USP8: variants seen among roughly 807,000 people sequenced by gnomAD.
USP8 encodes ubiquitin carboxyl-terminal hydrolase 8.
In USP8, 27 loss-of-function variants were observed where a neutral mutation model predicts 130.0. The observed-to-expected ratio is 0.21, with a 90% CI of 0.15 to 0.29. The LOEUF (loss-of-function observed/expected upper bound fraction) is 0.29. Among genes scored for constraint, USP8 ranks in the 10% least tolerant of loss-of-function variants. The pLI is 1.00. For missense variants in USP8, 1,029 were observed against 1,312.2 expected (o/e 0.78, Z 3.33); for synonymous variants, 392 against 444.1 (o/e 0.88, Z 1.48).
intron 1 of USP8, among the ~76,000 whole-genome samples, chr15:50,427,558 A>ATTTTTTTTTTTTTT (rs59709410): frequency 9.4e-6 from 1 of 106,538 alleles, no homozygotes. Context: ...AGCCGTACTA[A>ATTTTTTTTTTTTTT]TTTTTTTTTT....
intron 10 of USP8, among the ~76,000 whole-genome samples, chr15:50,478,157 T>A (rs550019532): frequency 9.2e-5 from 14 of 152,212 alleles, no homozygotes; most frequent in Non-Finnish European, 1.9e-4. Flanking sequence ...ATAGCTTGGC[T>A]TACATATGAT....
rs551087656 is a variant in USP8 at position 50,477,608 on chromosome 15, GA to G, written c.1218+110del. On this transcript the variant is annotated intron_variant, in intron 10 of 19. Coordinates refer to ENST00000307179, the MANE Select transcript of USP8 (RefSeq NM_005154.5). ...TAATCCCAGCACTTTGGGAGGCTGA[GA>G]GGGGCAGATCACCTGAGGTCAGGAG... 2.0e-4 allele frequency: 203 copies of G among 1,022,146 alleles called. No homozygotes were observed. The African/African-American group carries it at 2.9e-3, about 15-fold the overall frequency. 63.3% of individuals were successfully genotyped at this position (1,022,146 alleles called of 1,614,324 possible). A position where few individuals can be genotyped will look rare whatever the true frequency, so the allele number is the denominator to read the frequency against.
In USP8 at chr15:50,437,912, C is replaced by A. The variant is rs377486464; in HGVS notation, c.-65-1097C>A. On this transcript the variant is annotated intron_variant, in intron 1 of 19. Coordinates refer to ENST00000307179, the MANE Select transcript of USP8 (RefSeq NM_005154.5). ...TATATTAGATCGTTGTTTCTAAATG[C>A]ATAGATCTGAAAGTACAAATTAAAG... 2.0e-5 allele frequency among the ~76,000 whole-genome samples: 3 copies of A among 152,108 alleles called. No individual in the cohort carries two copies. The East Asian group carries it at 5.8e-4, about 29-fold the overall frequency.
intron 12 of USP8, among the ~76,000 whole-genome samples, chr15:50,488,739 ATTT>A (rs879657589): frequency 7.1e-6 from 1 of 140,466 alleles, no homozygotes; most frequent in Admixed American, 7.1e-5. Flanking sequence ...TAATTTTTGG[ATTT>A]TTTTTTTTTT....
intron 1 of USP8, among the ~76,000 whole-genome samples, chr15:50,425,061 A>T (rs1331265675): frequency 6.6e-6 from 1 of 151,134 alleles, no homozygotes; most frequent in African/African-American, 2.4e-5. Flanking sequence ...TTTCACCGCC[A>T]CTCCACCTTG....
Position 50,496,097 on chromosome 15 carries a change from A to G in USP8, c.2895+13A>G, listed in dbSNP as rs759233141. The G allele has an allele frequency of 3.5e-5, 55 of 1,566,708 alleles. No homozygotes were observed. In the Middle Eastern group the frequency reaches 1.0e-3, roughly 30 times the overall value. ...ATGTACATTACAGGTAAGTTTAAGA[A>G]GTAGAGAGAAAATGATTTATTGGAT... On this transcript the variant is annotated intron_variant, in intron 17 of 19. Coordinates refer to ENST00000307179, the MANE Select transcript of USP8 (RefSeq NM_005154.5).
At chr15:50,442,640 G>A (rs1157959389) in intron 3 of USP8, among the ~76,000 whole-genome samples, 1 of 152,122 alleles carries the variant, frequency 6.6e-6, no homozygotes, top group Non-Finnish European at 1.5e-5. Context: ...AGCTGCTTGG[G>A]AGGCTGAGAC....
rs537274063 is a variant in USP8 at position 50,492,010 on chromosome 15, C to T, written c.2235-691C>T. Among the ~76,000 whole-genome samples the T allele has an allele frequency of 2.0e-5, 3 of 152,208 alleles. No individual in the cohort carries two copies. The South Asian group carries it at 6.2e-4, about 32-fold the overall frequency. On this transcript the variant is annotated intron_variant, in intron 14 of 19. Coordinates refer to ENST00000307179, the MANE Select transcript of USP8 (RefSeq NM_005154.5). ...CTGAGTAGCTGGGACTATAGACGTC[C>T]ACTATCATGCCCAGCTACTTTTTGT...
chr15:50,433,994 G>A (rs2050016281), intron 1 of USP8, among the ~76,000 whole-genome samples: 1 of 151,698 alleles, frequency 6.6e-6, no homozygotes, highest in Admixed American at 6.6e-5. Context: ...TCTTTGTCAG[G>A]TTTACACATC....
chr15:50,453,486 G>T (rs1195600556), intron 4 of USP8, among the ~76,000 whole-genome samples: 1 of 152,094 alleles, frequency 6.6e-6, no homozygotes, highest in Non-Finnish European at 1.5e-5. Context: ...TAATTTCATT[G>T]TGGCTAAAGA....
chr15:50,496,234 C>T, intron 17 of USP8, 150 bp downstream of exon 17: 1 of 621,248 alleles, frequency 1.6e-6, no homozygotes, highest in Non-Finnish European at 2.7e-6. Flanking sequence ...GTACTCCCAG[C>T]ACTTTGGGAG....
intron 19 of USP8, 34 bp from the exon 20 acceptor site, chr15:50,498,869 G>A: frequency 1.9e-6 from 3 of 1,565,988 alleles, no homozygotes; most frequent in Non-Finnish European, 2.6e-6. Context: ...AATTTTAACT[G>A]AATTGATTTT....
At chr15:50,471,867 G>T (rs1173715116) in intron 8 of USP8, 72 bp downstream of exon 8, 14 of 1,362,698 alleles carry the variant, frequency 1.0e-5, no homozygotes, top group African/African-American at 3.0e-5. Context: ...ATGTTAACTA[G>T]TTGTTTATCT....
intron 15 of USP8, chr15:50,493,653 G>A: frequency 2.7e-6 from 1 of 376,288 alleles, no homozygotes; most frequent in Non-Finnish European, 5.2e-6. Context: ...GCTAAGGTGG[G>A]AGGATCACCT....
At chr15:50,430,578 TA>T in intron 1 of USP8, among the ~76,000 whole-genome samples, 1 of 152,066 alleles carries the variant, frequency 6.6e-6, no homozygotes, top group African/African-American at 2.4e-5. Flanking sequence ...TTTATTTTTT[TA>T]TTTTTTTTTT....
At chr15:50,445,642 G>A (rs900569050) in intron 3 of USP8, among the ~76,000 whole-genome samples, 2 of 148,220 alleles carry the variant, frequency 1.3e-5, no homozygotes, top group African/African-American at 5.0e-5. Context: ...ACAAGGTCAG[G>A]AGTTCAAGAC....
At chr15:50,468,411 T>A (rs1018130515) in intron 7 of USP8, among the ~76,000 whole-genome samples, 1 of 150,422 alleles carries the variant, frequency 6.6e-6, no homozygotes, top group African/African-American at 2.5e-5. Flanking sequence ...CCCGGCTAAT[T>A]TTTGTATTTT....
At position 50,480,955 on chromosome 15, in the gene USP8, G is replaced by C. The variant is rs573000375; in HGVS notation, c.1219-526G>C. Among the ~76,000 whole-genome samples the C allele has an allele frequency of 3.3e-5, 5 of 152,132 alleles. No individual in the cohort carries two copies. The South Asian group carries it at 1.0e-3, about 32-fold the overall frequency. On this transcript the variant is annotated intron_variant, in intron 10 of 19. Coordinates refer to ENST00000307179, the MANE Select transcript of USP8 (RefSeq NM_005154.5). ...GATATAGGAGGAAAATTAACAGCGT[G>C]CAGAAGGATATGGGAAGAACATATC...
In USP8 at chr15:50,492,685, C is replaced by A; in HGVS notation, c.2235-16C>A. On this transcript the variant is annotated splice_polypyrimidine_tract_variant and intron_variant, in intron 14 of 19. Coordinates refer to ENST00000307179, the MANE Select transcript of USP8 (RefSeq NM_005154.5). ...CTCAGCATTTTAAGACATCTTGTAT[C>A]CTTTTTCTTCCTCAGGCCAACATGT... 2 of 1,609,576 alleles carry A rather than the reference C, an allele frequency of 1.2e-6. No homozygotes were observed. Among genetic ancestry groups the A allele is most frequent in the Non-Finnish European group, 1.7e-6 (2 of 1,179,344 alleles).
Sources: gnomAD v4.1 joint callset for allele counts (sites outside exome capture counted in the v4.1 genomes callset) on GRCh38, gnomAD v4.1.1 for gene constraint, MANE v1.5 for transcripts, NCBI Gene and HGNC (gene_info 2026-07-23, HGNC 2026-07-21) for gene names.